The following CCDC91 variants were observed in gnomAD, a reference collection of about 807,000 sequenced individuals.
The protein encoded by CCDC91 is coiled-coil domain containing 91.
A neutral mutation model predicts 63.2 loss-of-function variants in CCDC91; 48 were observed. The ratio of observed to expected loss-of-function variants is 0.76; its 90% confidence interval spans 0.60 to 0.97. CCDC91 has a LOEUF of 0.97. Ranked by LOEUF, CCDC91 falls within the 50% of genes least tolerant of loss-of-function variation. The pLI is 0.00. For missense variants in CCDC91, 500 were observed against 494.6 expected, an observed-to-expected ratio of 1.01 and a Z score of -0.10; for synonymous variants, 167 against 165.8, an observed-to-expected ratio of 1.01 and a Z score of -0.06.
chr12:28,479,621 T>C (rs1840680886), intron 11 of CCDC91, among the ~76,000 whole-genome samples: 1 of 151,804 alleles, frequency 6.6e-6, no homozygotes, highest in Non-Finnish European at 1.5e-5. Context: ...AATAAAAATA[T>C]ATAAAAAAAA....
chr12:28,207,958 T>G (rs1942971353), intron 1 of CCDC91, among the ~76,000 whole-genome samples: 1 of 152,214 alleles, frequency 6.6e-6, no homozygotes, highest in South Asian at 2.1e-4. Context: ...TCTAAATAAT[T>G]TCAGTATTTG....
At chr12:28,246,935 AG>A (rs1405527474) in intron 1 of CCDC91, among the ~76,000 whole-genome samples, 6 of 152,328 alleles carry the variant, frequency 3.9e-5, no homozygotes, top group Middle Eastern at 3.4e-3. Flanking sequence ...TGTGAAGAAA[AG>A]GTGAATTTGG....
intron 6 of CCDC91, among the ~76,000 whole-genome samples, chr12:28,330,207 G>A (rs1941382465): frequency 6.6e-6 from 1 of 152,082 alleles, no homozygotes; most frequent in South Asian, 2.1e-4. Context: ...TTCCACAATG[G>A]TTGAATTAGT....
rs1481930938 is a variant in CCDC91 at position 28,510,257 on chromosome 12, G to GTGTGTGTGTGTGTGTGTGTGTGTGTC, written c.1215+26093_1215+26094insGTGTGTGTGTGTGTGTGTGTGTGTCT. 1.4e-3 allele frequency among the ~76,000 whole-genome samples: 209 copies of GTGTGTGTGTGTGTGTGTGTGTGTGTC among 150,890 alleles called. 2 individuals carry two copies. Among genetic ancestry groups the GTGTGTGTGTGTGTGTGTGTGTGTGTC allele is most frequent in the Non-Finnish European group, 2.7e-3 (180 of 67,828 alleles). On this transcript the variant is annotated intron_variant, in intron 12 of 12. Transcript: ENST00000536442. ...AGGGCATGTGTGTGTGTGTGTGTGTGTAGAAAGAGATTTATCATAAAGGAC... is the reference window on the plus strand; with the variant it reads ...AGGGCATGTGTGTGTGTGTGTGTGTGTGTGTGTGTGTGTGTGTGTGTGTGTCTAGAAAGAGATTTATCATAAAGGAC...
At chr12:28,530,666 G>T (rs1941657743) in intron 12 of CCDC91, among the ~76,000 whole-genome samples, 1 of 152,110 alleles carries the variant, frequency 6.6e-6, no homozygotes, top group East Asian at 1.9e-4. Context: ...TATCTCCATG[G>T]TGTGACCTGG....
intron 6 of CCDC91, among the ~76,000 whole-genome samples, chr12:28,309,732 A>C (rs185825421): frequency 6.6e-6 from 1 of 152,076 alleles, no homozygotes; most frequent in East Asian, 1.9e-4. Context: ...TATTTACATG[A>C]GTCAGATTAA....
chr12:28,383,499 T>C (rs187889902), intron 7 of CCDC91, among the ~76,000 whole-genome samples: 6 of 152,236 alleles, frequency 3.9e-5, no homozygotes, highest in Admixed American at 3.9e-4. Flanking sequence ...TCCATCACTA[T>C]CACTCTTCAG....
intron 6 of CCDC91, among the ~76,000 whole-genome samples, chr12:28,345,160 G>T (rs978425838): frequency 2.6e-5 from 4 of 151,872 alleles, no homozygotes; most frequent in African/African-American, 9.7e-5. Context: ...TTCCTTTCTT[G>T]TGTCAGCCAA....
chr12:28,437,191 G>T (rs1364889355), intron 8 of CCDC91, among the ~76,000 whole-genome samples: 1 of 151,680 alleles, frequency 6.6e-6, no homozygotes, highest in Non-Finnish European at 1.5e-5. Flanking sequence ...TTATTCACGT[G>T]TACATTATTT....
chr12:28,500,795 A>G (rs768015322), intron 12 of CCDC91, among the ~76,000 whole-genome samples: 9 of 151,696 alleles, frequency 5.9e-5, no homozygotes, highest in Non-Finnish European at 1.2e-4. Flanking sequence ...GAACTGCATT[A>G]TCAACAGTCA....
At chr12:28,522,571 C>G (rs1940817497) in intron 12 of CCDC91, among the ~76,000 whole-genome samples, 1 of 152,146 alleles carries the variant, frequency 6.6e-6, no homozygotes, top group Admixed American at 6.6e-5. Flanking sequence ...GTCTCTATCT[C>G]CTTCAGTTCT....
intron 2 of CCDC91, among the ~76,000 whole-genome samples, chr12:28,257,929 GA>G (rs1946555209): frequency 8.7e-6 from 1 of 115,260 alleles, no homozygotes; most frequent in African/African-American, 2.8e-5. Context: ...GGAATGCTGT[GA>G]TTTTTTTTTT....
At chr12:28,533,708 ATATT>A (rs1941927741) in intron 12 of CCDC91, among the ~76,000 whole-genome samples, 2 of 152,026 alleles carry the variant, frequency 1.3e-5, no homozygotes, top group South Asian at 2.1e-4. Context: ...CCCTTAATAT[ATATT>A]TATTTATCAT....
intron 3 of CCDC91, among the ~76,000 whole-genome samples, chr12:28,293,206 T>C (rs1287538380): frequency 1.3e-5 from 2 of 152,072 alleles, no homozygotes; most frequent in Non-Finnish European, 2.9e-5. Flanking sequence ...AGACATAAAA[T>C]CTGCAACTGA....
intron 3 of CCDC91, among the ~76,000 whole-genome samples, chr12:28,300,465 TAG>T (rs760809645): frequency 4.6e-5 from 7 of 151,418 alleles, no homozygotes; most frequent in Non-Finnish European, 7.4e-5. Context: ...ATCTTATTTA[TAG>T]AGATTGTATA....
At chr12:28,303,864 C>T (rs1271469863) in intron 3 of CCDC91, among the ~76,000 whole-genome samples, 3 of 152,018 alleles carry the variant, frequency 2.0e-5, no homozygotes, top group Non-Finnish European at 4.4e-5. Context: ...CTTCTCACTC[C>T]ACTGTACTAG....
chr12:28,482,928 A>G (rs1951523252), intron 11 of CCDC91, among the ~76,000 whole-genome samples: 1 of 152,008 alleles, frequency 6.6e-6, no homozygotes, highest in African/African-American at 2.4e-5. Flanking sequence ...AATGGAAATC[A>G]TATTATAGAA....
intron 8 of CCDC91, among the ~76,000 whole-genome samples, chr12:28,434,864 T>C (rs1336880041): frequency 4.0e-5 from 6 of 151,622 alleles, no homozygotes; most frequent in East Asian, 1.9e-4. Flanking sequence ...TTTGGCAGAT[T>C]TGTGCATTTT....
At chr12:28,510,258 T>TGTGTGTGTGTGTGTGTGTGTGTGTGG in intron 12 of CCDC91, among the ~76,000 whole-genome samples, 1 of 151,006 alleles carries the variant, frequency 6.6e-6, no homozygotes. Context: ...TGTGTGTGTG[T>TGTGTGTGTGTGTGTGTGTGTGTGTGG]AGAAAGAGAT....
Sources: allele counts gnomAD v4.1 joint callset (sites outside exome capture counted in the v4.1 genomes callset), GRCh38; gene constraint gnomAD v4.1.1; transcripts MANE v1.5; gene names NCBI Gene and HGNC (gene_info 2026-07-23, HGNC 2026-07-21).